Variants in ADAMTS9 observed in about 807,000 individuals in gnomAD.
ADAMTS9 encodes the protein ADAM metallopeptidase with thrombospondin type 1 motif 9, also known as A disintegrin and metalloproteinase with thrombospondin motifs 9.
ADAMTS9 carries 107 observed loss-of-function variants against 257.1 expected under a neutral mutation model. The observed-to-expected ratio is 0.42, with a 90% CI of 0.36 to 0.49. ADAMTS9 has a LOEUF of 0.49. ADAMTS9 is among the 20% of genes least tolerant of loss of function. The pLI, the probability that ADAMTS9 is intolerant of heterozygous loss-of-function variation, is 0.03. For synonymous variants in ADAMTS9, 982 were observed against 880.9 expected, an observed-to-expected ratio of 1.11 and a Z score of -2.03; for missense variants, 2,353 against 2,469.1, an observed-to-expected ratio of 0.95 and a Z score of 1.00.
rs779906218 is a variant in ADAMTS9 at position 64,541,934 on chromosome 3, A to T, written c.5101T>A (p.Ser1701Thr). The T allele has an allele frequency of 6.2e-7, 1 of 1,614,138 alleles. No homozygotes were observed. The highest frequency in any genetic ancestry group is 1.7e-5 in the Admixed American group (1 of 60,016). Residue 1701 changes from serine to threonine, a missense_variant, in exon 33 of 40, where the codon TCT becomes ACT. By Grantham distance (58) the Ser-to-Thr change is moderately conservative. Coordinates refer to ENST00000498707, the MANE Select transcript of ADAMTS9 (RefSeq NM_182920.2). ...VSCGVGVMQR[S>T]VQCLTNEDQP... is the part of the protein sequence containing the mutation. Reference sequence around the variant, plus strand: ...TCCTCATTGGTTAAACATTGCACAGATCTCTGCATCACTCCAACACCACAA... The same window carrying T: ...TCCTCATTGGTTAAACATTGCACAGTTCTCTGCATCACTCCAACACCACAA...
chr3:64,616,484 C>T (rs1162882257), intron 19 of ADAMTS9, among the ~76,000 whole-genome samples: 1 of 152,020 alleles, frequency 6.6e-6, no homozygotes, highest in Non-Finnish European at 1.5e-5. Context: ...GTATTAAAAC[C>T]TGTGTACATT....
intron 36 of ADAMTS9, 101 bp downstream of exon 36, chr3:64,540,991 AATG>A: frequency 2.8e-6 from 4 of 1,443,738 alleles, no homozygotes; most frequent in Non-Finnish European, 3.8e-6. Flanking sequence ...TGCAATGTGC[AATG>A]TGCAATACGC....
chr3:64,686,835 C>A lies in ADAMTS9; in HGVS notation c.249G>T (p.Trp83Cys), dbSNP rs1576196754. 1 of 1,613,998 alleles carries A rather than the reference C, an allele frequency of 6.2e-7. No homozygotes were observed. The highest frequency in any genetic ancestry group is 1.1e-5 in the South Asian group (1 of 91,072). The change falls in exon 2 of 40, where the codon TGG becomes TGT. Residue 83 changes from tryptophan (W) to cysteine (C), a missense_variant. Transcript: ENST00000498707. The surrounding 1 kb of genome is among the most constrained non-coding windows in gnomAD (Gnocchi z 4.6). The stretch of plus-strand genomic sequence containing the variant: ...AGGAAGAGGAGGAGGCGAAGGCAGG[C>A]CAGGGGTCAGTGGCAGAGTTAATGC... ...RRSINSATDP[W>C]PAFASSSSSS... is the part of the protein sequence containing the mutation.
intron 3 of ADAMTS9, among the ~76,000 whole-genome samples, chr3:64,679,267 G>C (rs1701696476): frequency 1.3e-5 from 2 of 152,016 alleles, no homozygotes; most frequent in South Asian, 4.1e-4. Flanking sequence ...TACTAATTAA[G>C]ACTTTCTCTT....
At chr3:64,561,530 G>T in intron 30 of ADAMTS9, 48 bp downstream of exon 30, 1 of 1,573,104 alleles carries the variant, frequency 6.4e-7, no homozygotes, top group Non-Finnish European at 8.7e-7. Flanking sequence ...ATAGCAAGGG[G>T]CGCACACGTG....
intron 38 of ADAMTS9, among the ~76,000 whole-genome samples, chr3:64,529,982 A>ATTTT (rs200385291): frequency 0.013 from 1,389 of 106,094 alleles, 4 homozygotes; most frequent in Non-Finnish European, 0.019. Flanking sequence ...CAGTTATTTA[A>ATTTT]TTTTTTTTTT....
chr3:64,612,003 C>T (rs1419849714), intron 22 of ADAMTS9, among the ~76,000 whole-genome samples: 3 of 152,164 alleles, frequency 2.0e-5, no homozygotes. Flanking sequence ...AGAGTACAGT[C>T]ACAATATTAA....
At position 64,517,429 on chromosome 3, in the gene ADAMTS9, T is replaced by TTTTTTTTTTTTTTTTTG. The variant is rs1321284198; in HGVS notation, c.*6-309_*6-308insCAAAAAAAAAAAAAAAA. ...TAATTAAAAATGGTTTTTTTTTTTT[T>TTTTTTTTTTTTTTTTTG]TTTTTTTTTTGCAGAAATGGGAGTC... On this transcript the variant is annotated intron_variant, in intron 39 of 39. Transcript: ENST00000498707. Among the ~76,000 whole-genome samples the TTTTTTTTTTTTTTTTTG allele has an allele frequency of 1.1e-4, 15 of 130,596 alleles. 2 individuals carry two copies. Among genetic ancestry groups the TTTTTTTTTTTTTTTTTG allele is most frequent in the Non-Finnish European group, 2.0e-4 (12 of 60,154 alleles). 85.7% of individuals were successfully genotyped at this position (130,596 alleles called of 152,430 possible).
Position 64,641,868 on chromosome 3 carries a change from A to G in ADAMTS9, c.1836T>C (p.Ile612=), listed in dbSNP as rs759457076. ...CTTACTCTGGTCTGTTGCACTCTCG[A>G]ATGGCTGTTTTGATGCCCCCTCCAC... ...RTCGGGIKTA[I]RECNRPEPKN... Residue 612 remains isoleucine (I), a synonymous_variant, in exon 12 of 40, where the codon ATT becomes ATC. Coordinates refer to ENST00000498707, the MANE Select transcript of ADAMTS9 (RefSeq NM_182920.2). 7.4e-6 allele frequency: 12 copies of G among 1,613,992 alleles called. No individual in the cohort carries two copies. The highest frequency in any genetic ancestry group is 1.0e-5 in the Non-Finnish European group (12 of 1,180,020).
At chr3:64,551,273 G>C (rs1009501836) in intron 30 of ADAMTS9, among the ~76,000 whole-genome samples, 3 of 152,064 alleles carry the variant, frequency 2.0e-5, no homozygotes, top group African/African-American at 7.2e-5. Flanking sequence ...GCAGTGGCAC[G>C]ATCTTGGCTC....
intron 3 of ADAMTS9, among the ~76,000 whole-genome samples, chr3:64,675,663 C>G: frequency 6.6e-6 from 1 of 152,064 alleles, no homozygotes; most frequent in East Asian, 1.9e-4. Flanking sequence ...ATAGCAGTTT[C>G]CATTTGTGTT....
At chr3:64,671,736 C>A (rs1472342066) in intron 3 of ADAMTS9, among the ~76,000 whole-genome samples, 1 of 152,184 alleles carries the variant, frequency 6.6e-6, no homozygotes, top group Non-Finnish European at 1.5e-5. Flanking sequence ...CACATCAGAT[C>A]TTGCATTTAC....
chr3:64,578,958 C>G (rs1282776279), intron 28 of ADAMTS9, among the ~76,000 whole-genome samples: 1 of 152,212 alleles, frequency 6.6e-6, no homozygotes. Flanking sequence ...TGTGTTCCTC[C>G]TGTACCCTCT....
In ADAMTS9 at chr3:64,687,886, C is replaced by G. The variant is rs1251380034; in HGVS notation, c.-229G>C. The G allele has an allele frequency of 4.9e-6, 2 of 406,708 alleles. No individual in the cohort carries two copies. The highest frequency in any genetic ancestry group is 4.6e-5 in the Admixed American group (1 of 21,632). The allele number at this position is 406,708 out of a possible 1,614,324, so 25.2% of individuals were successfully genotyped here. A position where few individuals can be genotyped will look rare whatever the true frequency, so the allele number is the denominator to read the frequency against. ...GAGCCGCTCGGGCCGCAGGAGGAGCCGGAGGAGCAGGAGGAGGAGGAGGAC... is the reference window on the plus strand; with the variant it reads ...GAGCCGCTCGGGCCGCAGGAGGAGCGGGAGGAGCAGGAGGAGGAGGAGGAC... On this transcript the variant is annotated 5_prime_UTR_variant, in exon 1 of 40. Transcript: ENST00000498707. The surrounding 1 kb of genome is among the most constrained non-coding windows in gnomAD (Gnocchi z 4.4).
intron 16 of ADAMTS9, among the ~76,000 whole-genome samples, chr3:64,630,990 T>G (rs559449951): frequency 6.6e-6 from 1 of 152,272 alleles, no homozygotes; most frequent in South Asian, 2.1e-4. Context: ...CCATAGAAAC[T>G]TTTGCAACGA....
intron 12 of ADAMTS9, among the ~76,000 whole-genome samples, chr3:64,635,178 G>C (rs1241304797): frequency 6.6e-6 from 1 of 152,160 alleles, no homozygotes; most frequent in African/African-American, 2.4e-5. Flanking sequence ...AGCGTGCCCA[G>C]GTCCCACAAA....
intron 3 of ADAMTS9, among the ~76,000 whole-genome samples, chr3:64,678,425 A>G (rs905838849): frequency 6.6e-6 from 1 of 152,234 alleles, no homozygotes; most frequent in Admixed American, 6.5e-5. Flanking sequence ...TCTCAAATTT[A>G]GCTAAACATC....
At position 64,641,897 on chromosome 3, in the gene ADAMTS9, T is replaced by C. The variant is rs964614421; in HGVS notation, c.1807A>G (p.Thr603Ala). ...GCTGTTTTGATGCCCCCTCCACATGTTCTGGAGCAGGTTCCAAAGGGACTC... is the reference window on the plus strand; with the variant it reads ...GCTGTTTTGATGCCCCCTCCACATGCTCTGGAGCAGGTTCCAAAGGGACTC... ...SWSPFGTCSR[T>A]CGGGIKTAIR... is the part of the protein sequence containing the mutation. Residue 603 changes from threonine to alanine, a missense_variant, in exon 12 of 40, where the codon ACA (threonine) becomes GCA (alanine). Around this residue, in one of 3 missense-constraint regions of ADAMTS9, gnomAD observed 360 missense variants for 458.1 expected, o/e 0.79. Coordinates refer to ENST00000498707, the MANE Select transcript of ADAMTS9 (RefSeq NM_182920.2). The C allele has an allele frequency of 8.7e-6, 14 of 1,614,006 alleles. No individual in the cohort carries two copies. The highest frequency in any genetic ancestry group is 1.7e-5 in the Admixed American group (1 of 59,992).
At chr3:64,542,432 T>TTCTTTC (rs1187087301) in intron 32 of ADAMTS9, among the ~76,000 whole-genome samples, 18 of 141,890 alleles carry the variant, frequency 1.3e-4, no homozygotes, top group South Asian at 4.5e-4. Context: ...CTTTCTTTCT[T>TTCTTTC]TTTTTTTTTT....
Sources: gnomAD v4.1 joint callset for allele counts (sites outside exome capture counted in the v4.1 genomes callset) on GRCh38, gnomAD v4.1.1 for gene constraint, gnomAD v4.1.1 regional missense constraint, Gnocchi (gnomAD v3.1) non-coding constraint, MANE v1.5 for transcripts, NCBI Gene and HGNC (gene_info 2026-07-23, HGNC 2026-07-21) for gene names.